Variants in ACSS3 observed in about 807,000 individuals in gnomAD.
The protein encoded by ACSS3 is acyl-CoA synthetase short-chain family member 3, mitochondrial.
A neutral mutation model predicts 84.2 loss-of-function variants in ACSS3; 64 were observed. The ratio of observed to expected loss-of-function variants is 0.76; its 90% confidence interval spans 0.62 to 0.94. ACSS3 has a LOEUF of 0.94. Among genes scored for constraint, ACSS3 ranks in the 40% least tolerant of loss-of-function variants. ACSS3 has a pLI of 0.00. For missense variants in ACSS3, 815 were observed against 867.6 expected, an observed-to-expected ratio of 0.94 and a Z score of 0.76; for synonymous variants, 317 against 310.1, an observed-to-expected ratio of 1.02 and a Z score of -0.23.
chr12:81,088,356 T>G lies in ACSS3; in HGVS notation c.311+9925T>G, dbSNP rs1437148474. On this transcript the variant is annotated intron_variant, in intron 1 of 15. Transcript: ENST00000548058. ...ATGGCATAATCCAGCCTGTCCTTACTGATTGAGGGGTAAATAATAACTTTA... is the reference window on the plus strand; with the variant it reads ...ATGGCATAATCCAGCCTGTCCTTACGGATTGAGGGGTAAATAATAACTTTA... Among the ~76,000 whole-genome samples the G allele has an allele frequency of 5.3e-5, 8 of 152,222 alleles. No individual in the cohort carries two copies. The South Asian group carries it at 1.7e-3, about 32-fold the overall frequency.
intron 9 of ACSS3, among the ~76,000 whole-genome samples, chr12:81,213,762 G>A (rs1593204063): frequency 2.1e-5 from 2 of 96,024 alleles, no homozygotes; most frequent in Non-Finnish European, 4.3e-5. Flanking sequence ...TCTCCTCTCC[G>A]CTCCTCTCTT....
At chr12:81,131,114 C>CT (rs1885468089) in intron 2 of ACSS3, among the ~76,000 whole-genome samples, 1 of 152,160 alleles carries the variant, frequency 6.6e-6, no homozygotes, top group Admixed American at 6.5e-5. Context: ...AATGCAGGCT[C>CT]TTTTTTGTTC....
chr12:81,109,393 T>C (rs942522519), intron 1 of ACSS3, among the ~76,000 whole-genome samples, 167 bp from the exon 2 acceptor site: 7 of 152,216 alleles, frequency 4.6e-5, no homozygotes, highest in African/African-American at 1.7e-4. Flanking sequence ...AAGTATACTG[T>C]GTACCATCTT....
intron 13 of ACSS3, among the ~76,000 whole-genome samples, chr12:81,249,186 C>G (rs1435888407): frequency 6.6e-6 from 1 of 152,028 alleles, no homozygotes; most frequent in Non-Finnish European, 1.5e-5. Context: ...AAAATTGTGT[C>G]TAAAATCTGC....
At chr12:81,214,224 C>T (rs1400956580) in intron 9 of ACSS3, among the ~76,000 whole-genome samples, 2 of 151,916 alleles carry the variant, frequency 1.3e-5, no homozygotes, top group Non-Finnish European at 2.9e-5. Flanking sequence ...TGGGGCTTCA[C>T]CATGTTGGCC....
At chr12:81,145,769 AT>A (rs1886311781) in intron 5 of ACSS3, among the ~76,000 whole-genome samples, 1 of 152,218 alleles carries the variant, frequency 6.6e-6, no homozygotes, top group Non-Finnish European at 1.5e-5. Flanking sequence ...TCTTCAGGAC[AT>A]TTAACATGAA....
chr12:81,107,541 T>C (rs1433399085), intron 1 of ACSS3, among the ~76,000 whole-genome samples: 1,363 of 120,218 alleles, frequency 0.011, 113 homozygotes, highest in Non-Finnish European at 0.018. Context: ...TATATATATA[T>C]ATATATATAT....
At chr12:81,084,529 G>T (rs2121286385) in intron 1 of ACSS3, among the ~76,000 whole-genome samples, 1 of 152,226 alleles carries the variant, frequency 6.6e-6, no homozygotes, top group Non-Finnish European at 1.5e-5. Flanking sequence ...AACTGGGAGA[G>T]AACTTGATGT....
intron 5 of ACSS3, among the ~76,000 whole-genome samples, chr12:81,145,135 C>A (rs1169944167): frequency 2.1e-5 from 3 of 140,194 alleles, no homozygotes; most frequent in Admixed American, 1.6e-4. Context: ...CCAGGATGGT[C>A]CTAATCTCCT....
chr12:81,181,799 A>G (rs1007297674), intron 8 of ACSS3, among the ~76,000 whole-genome samples: 7 of 150,104 alleles, frequency 4.7e-5, no homozygotes, highest in Non-Finnish European at 7.4e-5. Context: ...TAGACTAGAT[A>G]AAGCCAAAAA....
chr12:81,245,850 C>T (rs1263877485), intron 13 of ACSS3, among the ~76,000 whole-genome samples: 3 of 151,872 alleles, frequency 2.0e-5, no homozygotes, highest in African/African-American at 4.8e-5. Context: ...GTGGTGAATT[C>T]GAAGCTTCTT....
chr12:81,211,709 G>A (rs1203309767), intron 9 of ACSS3, among the ~76,000 whole-genome samples: 1 of 151,974 alleles, frequency 6.6e-6, no homozygotes, highest in African/African-American at 2.4e-5. Flanking sequence ...GAACCTGAAT[G>A]GTGTGTAACT....
intron 8 of ACSS3, among the ~76,000 whole-genome samples, chr12:81,183,002 A>C (rs1240385961): frequency 6.6e-6 from 1 of 152,140 alleles, no homozygotes. Context: ...CAGACCACCA[A>C]AAATTTTAAC....
intron 7 of ACSS3, among the ~76,000 whole-genome samples, chr12:81,166,550 A>G (rs898858919): frequency 6.6e-6 from 1 of 152,208 alleles, no homozygotes; most frequent in Non-Finnish European, 1.5e-5. Flanking sequence ...GGAGAATCCG[A>G]AAAGCAAAGT....
rs200770435 is a variant in ACSS3 at position 81,078,333 on chromosome 12, C to G, written c.213C>G (p.Thr71=). ...EYKTHFAASV[T]DPERFWGKAA... ...AGACCCACTTCGCAGCCTCGGTGAC[C>G]GACCCCGAGAGGTTCTGGGGCAAAG... The change falls in exon 1 of 16, where the codon ACC becomes ACG. Residue 71 remains threonine (T), a synonymous_variant. Coordinates refer to ENST00000548058, the MANE Select transcript of ACSS3 (RefSeq NM_024560.4). 1.1e-3 allele frequency: 1,755 copies of G among 1,612,478 alleles called. 43 individuals are homozygous for G. In the South Asian group the frequency reaches 0.018, roughly 16 times the overall value.
intron 1 of ACSS3, among the ~76,000 whole-genome samples, chr12:81,095,760 T>C (rs1333277152): frequency 6.6e-6 from 1 of 152,198 alleles, no homozygotes; most frequent in Admixed American, 6.6e-5. Flanking sequence ...AAGATGTCTA[T>C]GTTGTCCTTT....
chr12:81,200,718 G>T (rs200705218), intron 9 of ACSS3, among the ~76,000 whole-genome samples: 1 of 151,988 alleles, frequency 6.6e-6, no homozygotes, highest in African/African-American at 2.4e-5. Context: ...TGGCCAACAT[G>T]GTGAAACCCC....
intron 4 of ACSS3, among the ~76,000 whole-genome samples, chr12:81,141,563 CCTCTGTTT>C (rs1207505297): frequency 6.6e-6 from 1 of 151,860 alleles, no homozygotes; most frequent in East Asian, 1.9e-4. Flanking sequence ...TGTTTTTTTT[CCTCTGTTT>C]CTCAGATCTC....
chr12:81,078,369 G>A lies in ACSS3; in HGVS notation c.249G>A (p.Gln83=). 6.2e-7 allele frequency: 1 copy of A among 1,612,730 alleles called. No individual in the cohort carries two copies. The highest frequency in any genetic ancestry group is 1.1e-5 in the South Asian group (1 of 91,052). Reference sequence around the variant, plus strand: ...GGTTCTGGGGCAAAGCTGCCGAGCAGATCAGCTGGTACAAGCCCTGGACCA... The same window carrying A: ...GGTTCTGGGGCAAAGCTGCCGAGCAAATCAGCTGGTACAAGCCCTGGACCA... The part of the protein sequence containing the change: ...PERFWGKAAE[Q]ISWYKPWTKT... Residue 83 remains glutamine (Q), a synonymous_variant, in exon 1 of 16, where the codon CAG becomes CAA. Coordinates refer to ENST00000548058, the MANE Select transcript of ACSS3 (RefSeq NM_024560.4).
Sources: allele counts gnomAD v4.1 joint callset (sites outside exome capture counted in the v4.1 genomes callset), GRCh38; gene constraint gnomAD v4.1.1; transcripts MANE v1.5; gene names NCBI Gene and HGNC (gene_info 2026-07-23, HGNC 2026-07-21).